The following ZNF597 variants were observed in gnomAD, a reference collection of about 807,000 sequenced individuals.
ZNF597 encodes the protein zinc finger protein 597.
ZNF597 carries 5 observed loss-of-function variants against 7.3 expected under a neutral mutation model. The ratio of observed to expected loss-of-function variants is 0.68; its 90% CI spans 0.36 to 1.44. ZNF597 has a LOEUF of 1.44. ZNF597 is among the 40% of genes most tolerant of loss of function. The probability of loss-of-function intolerance (pLI) is 0.04; values close to 1 mark genes in which losing one functional copy is unlikely to be tolerated. For synonymous variants in ZNF597, 209 were observed against 185.4 expected (o/e 1.13, Z -1.04); for missense variants, 585 against 517.9 (o/e 1.13, Z -1.26).
At chr16:3,443,276 C>A (rs943471242) in intron 1 of ZNF597, 70 bp from the exon 2 acceptor site, 2 of 950,878 alleles carry the variant, frequency 2.1e-6, no homozygotes, top group African/African-American at 3.4e-5. Context: ...CCCCTAGCCT[C>A]CCTCGATTCC....
intron 3 of ZNF597, 35 bp from the exon 4 acceptor site, chr16:3,437,573 C>T: frequency 6.4e-7 from 1 of 1,552,668 alleles, no homozygotes; most frequent in South Asian, 1.2e-5. Flanking sequence ...AAAACATAGA[C>T]AATATCTTCA....
rs1449336788 is a variant in ZNF597 at position 3,434,837 on chromosome 16, ACT to A, written c.*1585_*1586del. 1.3e-5 allele frequency: 2 copies of A among 152,194 alleles called. No homozygotes were observed. The highest frequency in any genetic ancestry group is 1.5e-5 in the Non-Finnish European group (1 of 68,042). 9.4% of individuals were successfully genotyped at this position (152,194 alleles called of 1,614,324 possible). ...ATTTTAGCAAATATTGTACTTTTAT[ACT>A]GTCTATTTAAATAGAATGAGAGCAT... On this transcript the variant is annotated 3_prime_UTR_variant, in exon 4 of 4. Transcript: ENST00000301744.
In ZNF597 at chr16:3,443,383, T is replaced by G. The variant is rs2034425513; in HGVS notation, c.-77A>C. On this transcript the variant is annotated 5_prime_UTR_variant, in exon 1 of 4. Coordinates refer to ENST00000301744, the MANE Select transcript of ZNF597 (RefSeq NM_152457.3). ...ACCGCTCCGCGGTTAATAACAGGCC[T>G]CGCGCTCCCTGACAGGAGCTGCAGA... 2 of 550,468 alleles carry G rather than the reference T, an allele frequency of 3.6e-6. No individual in the cohort carries two copies. 34.1% of individuals were successfully genotyped at this position (550,468 alleles called of 1,614,324 possible). A position where few individuals can be genotyped will look rare whatever the true frequency, so the allele number is the denominator to read the frequency against.
At position 3,434,684 on chromosome 16, in the gene ZNF597, C is replaced by A. The variant is rs2034283742; in HGVS notation, c.*1740G>T. 6.6e-6 allele frequency: 1 copy of A among 152,166 alleles called. No homozygotes were observed. The highest frequency in any genetic ancestry group is 2.1e-4 in the South Asian group (1 of 4,822). The allele number at this position is 152,166 out of a possible 1,614,324, so 9.4% of individuals were successfully genotyped here. On this transcript the variant is annotated 3_prime_UTR_variant, in exon 4 of 4. Transcript: ENST00000301744. ...CAGTAATAAGAGCTTAGCTGAGTAG[C>A]CAGCATTTTTTGTATATTTAGTCCT...
At chr16:3,441,032 G>C (rs1378345009) in intron 2 of ZNF597, 99 bp from the exon 3 acceptor site, 5 of 1,468,374 alleles carry the variant, frequency 3.4e-6, no homozygotes, top group Non-Finnish European at 4.5e-6. Flanking sequence ...AGATGCACGG[G>C]ATAAAAGGCT....
Position 3,436,283 on chromosome 16 carries a change from C to T in ZNF597, c.*141G>A. 1 of 824,394 alleles carries T rather than the reference C, an allele frequency of 1.2e-6. No individual in the cohort carries two copies. Among genetic ancestry groups the T allele is most frequent in the South Asian group, 1.9e-5 (1 of 53,488 alleles). The allele number at this position is 824,394 out of a possible 1,614,324, so 51.1% of individuals were successfully genotyped here. On this transcript the variant is annotated 3_prime_UTR_variant, in exon 4 of 4. Coordinates refer to ENST00000301744, the MANE Select transcript of ZNF597 (RefSeq NM_152457.3). ...AAAATGGAAATGATACTGCCTAAAT[C>T]ACGGTTGTGCTGAGAATTAAGTATT...
At chr16:3,437,767 T>G (rs1173455099) in intron 3 of ZNF597, among the ~76,000 whole-genome samples, 1 of 152,048 alleles carries the variant, frequency 6.6e-6, no homozygotes, top group Non-Finnish European at 1.5e-5. Context: ...TATAACTAAG[T>G]CAGAGTCCAG....
In ZNF597 at chr16:3,443,405, C is replaced by T; in HGVS notation, c.-99G>A. The T allele has an allele frequency of 1.9e-6, 1 of 534,378 alleles. No individual in the cohort carries two copies. Among genetic ancestry groups the T allele is most frequent in the Non-Finnish European group, 3.3e-6 (1 of 306,732 alleles). 33.1% of individuals were successfully genotyped at this position (534,378 alleles called of 1,614,324 possible). On this transcript the variant is annotated 5_prime_UTR_variant, in exon 1 of 4. Transcript: ENST00000301744. The stretch of plus-strand genomic sequence containing the variant: ...GCCTCGCGCTCCCTGACAGGAGCTG[C>T]AGAAAGCGACGCCCGACCGAGACGC...
chr16:3,438,325 C>A (rs370190393), intron 3 of ZNF597, among the ~76,000 whole-genome samples: 1 of 151,632 alleles, frequency 6.6e-6, no homozygotes, highest in African/African-American at 2.4e-5. Flanking sequence ...TTTGGGAGGC[C>A]GAGGCGGGTG....
Position 3,436,086 on chromosome 16 carries a change from G to C in ZNF597, c.*338C>G, listed in dbSNP as rs2034297400. 2 of 229,386 alleles carry C rather than the reference G, an allele frequency of 8.7e-6. No individual in the cohort carries two copies. Among genetic ancestry groups the C allele is most frequent in the Admixed American group, 5.1e-5 (1 of 19,602 alleles). 14.2% of individuals were successfully genotyped at this position (229,386 alleles called of 1,614,324 possible). On this transcript the variant is annotated 3_prime_UTR_variant, in exon 4 of 4. Transcript: ENST00000301744. ...TAAATTCTCCTCCTTCTAAAAGTCA[G>C]AAACTACGTAAACAAAATTAAAATA...
intron 2 of ZNF597, among the ~76,000 whole-genome samples, chr16:3,441,778 A>G (rs984640174): frequency 5.3e-5 from 8 of 151,464 alleles, no homozygotes; most frequent in African/African-American, 1.9e-4. Flanking sequence ...AACAAAAACA[A>G]AACAACAACA....
intron 3 of ZNF597, among the ~76,000 whole-genome samples, chr16:3,440,139 T>C (rs930266658): frequency 6.6e-6 from 1 of 152,246 alleles, no homozygotes; most frequent in Non-Finnish European, 1.5e-5. Flanking sequence ...TCCATCTGTG[T>C]ATGGTTCCCC....
Position 3,443,477 on chromosome 16 carries a change from C to T in ZNF597, c.-171G>A, listed in dbSNP as rs539471757. 8 of 521,708 alleles carry T rather than the reference C, an allele frequency of 1.5e-5. No individual in the cohort carries two copies. The highest frequency in any genetic ancestry group is 5.8e-5 in the South Asian group (2 of 34,482). 32.3% of individuals were successfully genotyped at this position (521,708 alleles called of 1,614,324 possible). A position where few individuals can be genotyped will look rare whatever the true frequency, so the allele number is the denominator to read the frequency against. On this transcript the variant is annotated 5_prime_UTR_variant, in exon 1 of 4. Coordinates refer to ENST00000301744, the MANE Select transcript of ZNF597 (RefSeq NM_152457.3). ...TGCAAAACTCCCACGCTCTCATGCT[C>T]CTTTACGCAGGAGCTGCGGGAAAAG...
intron 3 of ZNF597, 120 bp downstream of exon 3, chr16:3,440,687 C>T (rs1424667030): frequency 1.6e-6 from 2 of 1,284,502 alleles, no homozygotes; most frequent in African/African-American, 1.5e-5. Flanking sequence ...ACAATTATCA[C>T]CTCCACATAA....
chr16:3,442,561 T>C (rs1017076950), intron 2 of ZNF597, among the ~76,000 whole-genome samples: 5 of 151,526 alleles, frequency 3.3e-5, no homozygotes, highest in Non-Finnish European at 7.4e-5. Context: ...TGTAGTCCCA[T>C]CTACTCGGGA....
At chr16:3,441,104 G>A (rs1311468683) in intron 2 of ZNF597, among the ~76,000 whole-genome samples, 171 bp from the exon 3 acceptor site, 1 of 152,200 alleles carries the variant, frequency 6.6e-6, no homozygotes, top group Non-Finnish European at 1.5e-5. Flanking sequence ...TGGGGTGAGG[G>A]TTGGGAAGAA....
intron 3 of ZNF597, among the ~76,000 whole-genome samples, chr16:3,439,976 A>G (rs146647766): frequency 3.5e-4 from 53 of 152,326 alleles, no homozygotes; most frequent in African/African-American, 1.1e-3. Flanking sequence ...GAAACAAAAT[A>G]TGAGTTATTC....
intron 3 of ZNF597, among the ~76,000 whole-genome samples, chr16:3,438,395 TA>T (rs1430692482): frequency 2.0e-5 from 3 of 149,388 alleles, no homozygotes; most frequent in African/African-American, 2.5e-5. Flanking sequence ...CCATCTCTAC[TA>T]AAAAAAAATA....
intron 2 of ZNF597, among the ~76,000 whole-genome samples, chr16:3,441,332 T>G (rs2034367095): frequency 6.6e-6 from 1 of 151,964 alleles, no homozygotes; most frequent in South Asian, 2.1e-4. Flanking sequence ...TGCAGATGAC[T>G]TGAGGTCAGG....
Sources: allele counts gnomAD v4.1 joint callset (sites outside exome capture counted in the v4.1 genomes callset), GRCh38; gene constraint gnomAD v4.1.1; transcripts MANE v1.5; gene names NCBI Gene and HGNC (gene_info 2026-07-23, HGNC 2026-07-21).